The following MYO5A variants were observed in gnomAD, a reference collection of about 807,000 sequenced individuals.
MYO5A encodes the protein myosin VA, also known as unconventional myosin-Va.
In MYO5A, 98 loss-of-function variants were observed where a neutral mutation model predicts 249.7. The observed-to-expected ratio is 0.39, with a 90% CI of 0.33 to 0.46. MYO5A has a LOEUF of 0.46. MYO5A is among the 20% of genes least tolerant of loss of function. MYO5A has a pLI of 0.98. For missense variants in MYO5A, 1,696 were observed against 2,308.8 expected (o/e 0.73, Z 5.44); for synonymous variants, 778 against 810.6 (o/e 0.96, Z 0.68).
intron 1 of MYO5A, among the ~76,000 whole-genome samples, chr15:52,437,408 A>C (rs1346877429): frequency 6.6e-6 from 1 of 152,028 alleles, no homozygotes; most frequent in Admixed American, 6.6e-5. Context: ...CAGCCTGACC[A>C]ACATGGTGAA....
intron 16 of MYO5A, among the ~76,000 whole-genome samples, chr15:52,381,782 T>TCTCACACACA (rs11280608): frequency 0.051 from 7,029 of 137,726 alleles, 181 homozygotes; most frequent in Non-Finnish European, 0.059. Context: ...TCTCTCTCTC[T>TCTCACACACA]CACACACACA....
chr15:52,324,450 T>C (rs1375457108), intron 36 of MYO5A, among the ~76,000 whole-genome samples: 2 of 152,238 alleles, frequency 1.3e-5, no homozygotes, highest in African/African-American at 2.4e-5. Context: ...CCAGTTTGTA[T>C]ATGGGAAGTC....
At chr15:52,505,646 C>A in intron 1 of MYO5A, 1 of 1,288,844 alleles carries the variant, frequency 7.8e-7, no homozygotes, top group Non-Finnish European at 1.1e-6. Context: ...GATGATGAGA[C>A]AGATATGGCG....
At chr15:52,381,809 C>CAT (rs376965630) in intron 16 of MYO5A, among the ~76,000 whole-genome samples, 12,447 of 151,738 alleles carry the variant, frequency 0.082, 1,010 homozygotes, top group East Asian at 0.43. Context: ...CACACACACA[C>CAT]GGAGCATGGA....
chr15:52,352,410 T>C (rs1298382789), intron 27 of MYO5A, among the ~76,000 whole-genome samples: 2 of 152,204 alleles, frequency 1.3e-5, no homozygotes. Context: ...TGTATAAACA[T>C]TGAATATTTT....
intron 25 of MYO5A, among the ~76,000 whole-genome samples, chr15:52,355,012 A>C (rs980842052): frequency 6.6e-6 from 1 of 152,250 alleles, no homozygotes; most frequent in Non-Finnish European, 1.5e-5. Context: ...TAGCACATGC[A>C]TATAAAAATT....
At chr15:52,321,689 C>A (rs1396285054) in intron 37 of MYO5A, among the ~76,000 whole-genome samples, 180 bp from the exon 38 acceptor site, 1 of 151,840 alleles carries the variant, frequency 6.6e-6, no homozygotes. Context: ...CATCATAACC[C>A]CCTCCAGTTC....
intron 27 of MYO5A, among the ~76,000 whole-genome samples, chr15:52,352,211 A>C (rs902031555): frequency 5.9e-5 from 9 of 152,194 alleles, no homozygotes; most frequent in African/African-American, 2.2e-4. Flanking sequence ...CCCTGCCACC[A>C]GTTAGTGCTG....
chr15:52,476,293 C>T (rs533378494), intron 1 of MYO5A, among the ~76,000 whole-genome samples: 9 of 152,190 alleles, frequency 5.9e-5, no homozygotes, highest in South Asian at 4.1e-4. Flanking sequence ...TGTCTCTGCA[C>T]GTGAGATGGG....
chr15:52,323,071 T>A (rs2038409142), intron 37 of MYO5A, among the ~76,000 whole-genome samples: 1 of 152,232 alleles, frequency 6.6e-6, no homozygotes, highest in African/African-American at 2.4e-5. Flanking sequence ...GCTCTTGAAA[T>A]GCCCACTAAA....
intron 1 of MYO5A, among the ~76,000 whole-genome samples, chr15:52,528,107 G>T (rs1420959843): frequency 6.6e-6 from 1 of 152,094 alleles, no homozygotes; most frequent in Non-Finnish European, 1.5e-5. Flanking sequence ...CCCAGAGGAT[G>T]GTAAAGACAT....
At chr15:52,483,725 G>A (rs2076762006) in intron 1 of MYO5A, among the ~76,000 whole-genome samples, 1 of 152,164 alleles carries the variant, frequency 6.6e-6, no homozygotes, top group South Asian at 2.1e-4. Context: ...TGGCAAGAAT[G>A]CGAAGGTCCA....
At position 52,309,264 on chromosome 15, in the gene MYO5A, G is replaced by A. The variant is rs1290154541; in HGVS notation, c.*4432C>T. 1 of 152,202 alleles carries A rather than the reference G, an allele frequency of 6.6e-6. No homozygotes were observed. Among genetic ancestry groups the A allele is most frequent in the Non-Finnish European group, 1.5e-5 (1 of 68,064 alleles). The allele number at this position is 152,202 out of a possible 1,614,324, so 9.4% of individuals were successfully genotyped here. A position where few individuals can be genotyped will look rare whatever the true frequency, so the allele number is the denominator to read the frequency against. Reference sequence around the variant, plus strand: ...ACAGAGTATTGCATCCTCCCAGAGAGCACTGATTCATGACAGAAGTCAAGC... The same window carrying A: ...ACAGAGTATTGCATCCTCCCAGAGAACACTGATTCATGACAGAAGTCAAGC... On this transcript the variant is annotated 3_prime_UTR_variant, in exon 42 of 42. Coordinates refer to ENST00000399233, the MANE Select transcript of MYO5A (RefSeq NM_001382347.1).
intron 18 of MYO5A, among the ~76,000 whole-genome samples, chr15:52,378,650 T>C (rs2041572505): frequency 6.6e-6 from 1 of 151,004 alleles, no homozygotes. Flanking sequence ...AGGCATCACA[T>C]TTAGTTCACA....
intron 1 of MYO5A, among the ~76,000 whole-genome samples, chr15:52,506,244 G>A (rs1414934825): frequency 6.6e-6 from 1 of 152,090 alleles, no homozygotes; most frequent in East Asian, 1.9e-4. Context: ...CCACCTACTT[G>A]GGAGGCTGAG....
chr15:52,465,724 A>T (rs1020829116), intron 1 of MYO5A, among the ~76,000 whole-genome samples: 84 of 152,184 alleles, frequency 5.5e-4, no homozygotes, highest in African/African-American at 2.0e-3. Context: ...TAAGAAAAAG[A>T]TACATCTTGA....
chr15:52,325,961 T>C (rs972141180), intron 36 of MYO5A, among the ~76,000 whole-genome samples: 1 of 152,226 alleles, frequency 6.6e-6, no homozygotes, highest in Non-Finnish European at 1.5e-5. Flanking sequence ...CTCTATCCCA[T>C]AGAGAAAACA....
At chr15:52,473,653 TCCTTTC>T (rs1036683411) in intron 1 of MYO5A, among the ~76,000 whole-genome samples, 16 of 152,378 alleles carry the variant, frequency 1.1e-4, no homozygotes, top group Admixed American at 7.8e-4. Flanking sequence ...AAACAAGGAA[TCCTTTC>T]CCCATTTCTT....
chr15:52,314,977 G>C (rs763883325), intron 40 of MYO5A, among the ~76,000 whole-genome samples: 18 of 152,142 alleles, frequency 1.2e-4, no homozygotes, highest in Non-Finnish European at 2.4e-4. Flanking sequence ...TGATCTATAG[G>C]AAAATAAATT....
Sources: allele counts gnomAD v4.1 joint callset (sites outside exome capture counted in the v4.1 genomes callset), GRCh38; gene constraint gnomAD v4.1.1; transcripts MANE v1.5; gene names NCBI Gene and HGNC (gene_info 2026-07-23, HGNC 2026-07-21).